Variants in PCDH9 observed in about 807,000 individuals in gnomAD.
PCDH9 encodes the protein protocadherin-9.
Under a neutral mutation model 70.6 loss-of-function variants are expected in PCDH9, and 24 were observed. The observed-to-expected ratio is 0.34, with a 90% CI of 0.25 to 0.48. The LOEUF (loss-of-function observed/expected upper bound fraction) is 0.48, where lower values mean the gene tolerates loss of function less well. PCDH9 is among the 20% of genes least tolerant of loss of function. PCDH9 has a pLI of 0.99. For synonymous variants in PCDH9, 562 were observed against 558.5 expected, an observed-to-expected ratio of 1.01 and a Z score of -0.09; for missense variants, 1,281 against 1,503.6, an observed-to-expected ratio of 0.85 and a Z score of 2.45.
chr13:66,946,023 C>T (rs2083082466), intron 2 of PCDH9, among the ~76,000 whole-genome samples: 1 of 152,042 alleles, frequency 6.6e-6, no homozygotes. Flanking sequence ...GTAACATTTC[C>T]TCATTGAATG....
chr13:66,557,142 A>G (rs924958904), intron 4 of PCDH9, among the ~76,000 whole-genome samples: 1 of 152,216 alleles, frequency 6.6e-6, no homozygotes, highest in African/African-American at 2.4e-5. Context: ...GTTCAAATGG[A>G]TGCGAGGAGA....
intron 3 of PCDH9, among the ~76,000 whole-genome samples, chr13:66,650,306 G>A (rs1238974874): frequency 6.6e-6 from 1 of 151,774 alleles, no homozygotes; most frequent in African/African-American, 2.4e-5. Context: ...TATGCAAATG[G>A]AAACTAAAAA....
chr13:66,310,184 A>G (rs1955539081), intron 4 of PCDH9, among the ~76,000 whole-genome samples: 1 of 152,014 alleles, frequency 6.6e-6, no homozygotes, highest in Non-Finnish European at 1.5e-5. Context: ...TCTGCATTTA[A>G]ATTTTGAAAG....
intron 3 of PCDH9, among the ~76,000 whole-genome samples, chr13:66,845,604 C>T (rs1474483706): frequency 1.3e-5 from 2 of 152,158 alleles, no homozygotes; most frequent in African/African-American, 4.8e-5. Flanking sequence ...TGCCTGGATC[C>T]ACAGCGCTAG....
chr13:67,185,677 C>G (rs1566482084), intron 2 of PCDH9, among the ~76,000 whole-genome samples: 2 of 152,114 alleles, frequency 1.3e-5, no homozygotes, highest in South Asian at 4.2e-4. Flanking sequence ...AAATGGAATT[C>G]CTTTCCAAAT....
Position 67,227,420 on chromosome 13 carries a change from G to T in PCDH9, c.1021C>A (p.Arg341=), listed in dbSNP as rs757265687. 13 of 1,613,728 alleles carry T rather than the reference G, an allele frequency of 8.1e-6. No homozygotes were observed. Among genetic ancestry groups the T allele is most frequent in the Non-Finnish European group, 1.0e-5 (12 of 1,179,666 alleles). ...LASDGSSTPA[R]ATVTINVTDV... ...GTGACATTGATGGTAACCGTTGCTC[G>T]AGCAGGAGTGGAGCTGCCGTCACTA... Residue 341 remains arginine (R), a synonymous_variant, in exon 2 of 5, where the codon CGA becomes AGA. Transcript: ENST00000377865. The surrounding 1 kb of genome is among the most constrained non-coding windows in gnomAD (Gnocchi z 4.6).
At chr13:66,438,707 A>G (rs1423159909) in intron 4 of PCDH9, among the ~76,000 whole-genome samples, 1 of 152,206 alleles carries the variant, frequency 6.6e-6, no homozygotes, top group East Asian at 1.9e-4. Context: ...TCCTTGTCTG[A>G]AAATTCAAAC....
At chr13:67,140,521 G>A (rs570038367) in intron 2 of PCDH9, among the ~76,000 whole-genome samples, 1 of 152,150 alleles carries the variant, frequency 6.6e-6, no homozygotes, top group Non-Finnish European at 1.5e-5. Context: ...GAGGTATGGA[G>A]CAGGTCAGGT....
At chr13:66,611,848 T>C (rs921228514) in intron 4 of PCDH9, among the ~76,000 whole-genome samples, 3 of 152,208 alleles carry the variant, frequency 2.0e-5, no homozygotes, top group Non-Finnish European at 4.4e-5. Flanking sequence ...CTATTCTAAG[T>C]GGGTTACATG....
At chr13:66,730,959 AG>A (rs1421672537) in intron 3 of PCDH9, among the ~76,000 whole-genome samples, 1 of 138,830 alleles carries the variant, frequency 7.2e-6, no homozygotes, top group Non-Finnish European at 1.5e-5. Flanking sequence ...TCTGGCTTTA[AG>A]CTATCTTCCT....
intron 2 of PCDH9, among the ~76,000 whole-genome samples, chr13:66,912,532 C>CACAT (rs1428368975): frequency 5.3e-5 from 8 of 151,926 alleles, no homozygotes; most frequent in Non-Finnish European, 1.2e-4. Context: ...CACACACACA[C>CACAT]ACATACACAC....
intron 2 of PCDH9, among the ~76,000 whole-genome samples, chr13:67,048,919 C>A (rs1239620595): frequency 6.6e-6 from 1 of 152,156 alleles, no homozygotes. Context: ...AGCAAAACTG[C>A]TGGAAGACAT....
chr13:66,654,516 G>A (rs2077900062), intron 3 of PCDH9, among the ~76,000 whole-genome samples: 1 of 152,042 alleles, frequency 6.6e-6, no homozygotes, highest in Non-Finnish European at 1.5e-5. Flanking sequence ...CTTGAGGTGA[G>A]GGATACCCAG....
At chr13:66,498,918 T>C (rs1411770001) in intron 4 of PCDH9, among the ~76,000 whole-genome samples, 1 of 151,650 alleles carries the variant, frequency 6.6e-6, no homozygotes, top group East Asian at 1.9e-4. Context: ...CAGAACAATT[T>C]TCAGATTTAA....
intron 2 of PCDH9, among the ~76,000 whole-genome samples, chr13:67,164,027 CT>C (rs2088036058): frequency 6.6e-6 from 1 of 152,196 alleles, no homozygotes; most frequent in African/African-American, 2.4e-5. Context: ...GGACTTAGTT[CT>C]TAAAAAGTTA....
At chr13:66,916,121 T>C (rs988101888) in intron 2 of PCDH9, among the ~76,000 whole-genome samples, 1 of 151,694 alleles carries the variant, frequency 6.6e-6, no homozygotes, top group Admixed American at 6.6e-5. Flanking sequence ...GTATTTTATA[T>C]AGATGACATA....
At chr13:66,486,311 C>G (rs560757236) in intron 4 of PCDH9, among the ~76,000 whole-genome samples, 1 of 151,908 alleles carries the variant, frequency 6.6e-6, no homozygotes, top group Non-Finnish European at 1.5e-5. Flanking sequence ...GGCATGGTAG[C>G]GCACATCTGT....
At chr13:66,309,958 T>G (rs1168662929) in intron 4 of PCDH9, among the ~76,000 whole-genome samples, 1 of 152,010 alleles carries the variant, frequency 6.6e-6, no homozygotes, top group East Asian at 1.9e-4. Context: ...TTATAAATAC[T>G]TTCTATAATT....
chr13:66,941,310 T>C (rs188331349), intron 2 of PCDH9, among the ~76,000 whole-genome samples: 112 of 151,494 alleles, frequency 7.4e-4, no homozygotes, highest in African/African-American at 2.7e-3. Context: ...AAACATATTA[T>C]AAAATAATCC....
Sources: allele counts gnomAD v4.1 joint callset (sites outside exome capture counted in the v4.1 genomes callset), GRCh38; gene constraint gnomAD v4.1.1; non-coding constraint Gnocchi (gnomAD v3.1); transcripts MANE v1.5; gene names NCBI Gene and HGNC (gene_info 2026-07-23, HGNC 2026-07-21).